The following PABPC1L variants were observed in gnomAD, a reference collection of about 807,000 sequenced individuals.
PABPC1L encodes polyadenylate-binding protein 1-like.
Under a neutral mutation model 66.6 loss-of-function variants are expected in PABPC1L, and 31 were observed. The observed-to-expected ratio is 0.47, with a 90% confidence interval of 0.35 to 0.63. The LOEUF is 0.63. Among genes scored for constraint, PABPC1L ranks in the 20% least tolerant of loss-of-function variants. The pLI is 0.00. For synonymous variants in PABPC1L, 348 were observed against 335.1 expected (o/e 1.04, Z -0.42); for missense variants, 722 against 848.8 (o/e 0.85, Z 1.86).
At chr20:44,925,955 C>G (rs73296544) in intron 7 of PABPC1L, among the ~76,000 whole-genome samples, 2 of 152,106 alleles carry the variant, frequency 1.3e-5, no homozygotes, top group South Asian at 4.1e-4. Context: ...TGTTTACTCA[C>G]CTATAAAGTG....
At position 44,924,389 on chromosome 20, in the gene PABPC1L, C is replaced by T. The variant is rs1035336927; in HGVS notation, c.972+133C>T. 1.3e-4 allele frequency: 83 copies of T among 653,310 alleles called. No individual in the cohort carries two copies. In the East Asian group the frequency reaches 1.5e-3, roughly 12 times the overall value. 40.5% of individuals were successfully genotyped at this position (653,310 alleles called of 1,614,324 possible). On this transcript the variant is annotated intron_variant, in intron 7 of 14. Transcript: ENST00000217073. ...TTGGTGCCGGCTACCCCTTCTGGGG[C>T]TCTGCTGACCCCGTTGGAGCTTGTA...
At position 44,930,443 on chromosome 20, in the gene PABPC1L, T is replaced by C; in HGVS notation, c.973-17T>C. The C allele has an allele frequency of 6.8e-6, 11 of 1,605,922 alleles. No individual in the cohort carries two copies. The highest frequency in any genetic ancestry group is 9.4e-6 in the Non-Finnish European group (11 of 1,174,860). ...TCCTTCCCCACCCCAGCAGCTCTTG[T>C]CTTGTCTTGCTTTTAGGTGATGACA... On this transcript the variant is annotated splice_polypyrimidine_tract_variant and intron_variant, in intron 7 of 14. Coordinates refer to ENST00000217073, the MANE Select transcript of PABPC1L (RefSeq NM_001372179.1).
intron 10 of PABPC1L, among the ~76,000 whole-genome samples, chr20:44,933,837 G>C (rs2066880699): frequency 7.1e-6 from 1 of 139,944 alleles, no homozygotes. Context: ...TGCAACCTCT[G>C]CCTCCGGGGT....
In PABPC1L at chr20:44,910,129, G is replaced by GGCCCCCT; in HGVS notation, c.-10_-4dup. ...CGGCTCCTGCTTGCCCCGCAGCCCC[G>GGCCCCCT]GCCCCCTGCCCACCATGAACGCCAG... On this transcript the variant is annotated 5_prime_UTR_variant, in exon 1 of 15. Transcript: ENST00000217073. The GGCCCCCT allele has an allele frequency of 6.5e-7, 1 of 1,545,606 alleles. No homozygotes were observed. The highest frequency in any genetic ancestry group is 8.7e-7 in the Non-Finnish European group (1 of 1,144,240).
At chr20:44,915,496 T>G (rs2066731903) in intron 2 of PABPC1L, among the ~76,000 whole-genome samples, 1 of 152,096 alleles carries the variant, frequency 6.6e-6, no homozygotes, top group Admixed American at 6.6e-5. Context: ...TAGGATATTG[T>G]GCATCTTTAA....
chr20:44,938,703 A>G lies in PABPC1L; in HGVS notation c.1821A>G (p.Ala607=). 9 of 1,611,816 alleles carry G rather than the reference A, an allele frequency of 5.6e-6. No individual in the cohort carries two copies. Among genetic ancestry groups the G allele is most frequent in the Non-Finnish European group, 7.6e-6 (9 of 1,179,222 alleles). The change falls in exon 14 of 15, where the codon GCA becomes GCG. Residue 607 remains alanine, a synonymous_variant. Coordinates refer to ENST00000217073, the MANE Select transcript of PABPC1L (RefSeq NM_001372179.1). The part of the protein sequence containing the change: ...KIDEAVAVLQ[A]HQAMEQPKAY... ...ACGAGGCAGTGGCCGTGCTGCAGGC[A>G]CACCAGGCTATGGAGCAGCCGAAGG...
chr20:44,917,949 A>G (rs1250962538), intron 3 of PABPC1L, among the ~76,000 whole-genome samples: 1 of 152,198 alleles, frequency 6.6e-6, no homozygotes, highest in Non-Finnish European at 1.5e-5. Context: ...CGTGCTATAG[A>G]TACCATCAGA....
Position 44,933,086 on chromosome 20 carries a change from C to A in PABPC1L, c.1360C>A (p.Arg454=). 6.3e-7 allele frequency: 1 copy of A among 1,599,268 alleles called. No homozygotes were observed. The change falls in exon 10 of 15, where the codon CGG becomes AGG. Residue 454 remains arginine (R), a synonymous_variant. Coordinates refer to ENST00000217073, the MANE Select transcript of PABPC1L (RefSeq NM_001372179.1). ...SAYPPGASMV[R]PPVVPRRPPA... The stretch of plus-strand genomic sequence containing the variant: ...CTACCCTCCAGGTGCCTCAATGGTC[C>A]GGCCACCAGTTGTGCCTCGGCGCCC...
At chr20:44,928,489 C>G (rs1301881032) in intron 7 of PABPC1L, among the ~76,000 whole-genome samples, 1 of 152,040 alleles carries the variant, frequency 6.6e-6, no homozygotes, top group African/African-American at 2.4e-5. Context: ...GAAGGAAATG[C>G]TAATATGAAA....
At chr20:44,911,209 ATC>A (rs1308680019) in intron 1 of PABPC1L, among the ~76,000 whole-genome samples, 1 of 152,062 alleles carries the variant, frequency 6.6e-6, no homozygotes, top group Non-Finnish European at 1.5e-5. Flanking sequence ...CACGCCTGTA[ATC>A]CCAGCATCTT....
intron 12 of PABPC1L, among the ~76,000 whole-genome samples, chr20:44,937,397 C>T (rs1168238829): frequency 6.6e-6 from 1 of 151,768 alleles, no homozygotes; most frequent in Non-Finnish European, 1.5e-5. Context: ...CCACATTACC[C>T]CTTCCCCTCA....
intron 12 of PABPC1L, among the ~76,000 whole-genome samples, chr20:44,937,591 T>G (rs2066911066): frequency 6.6e-6 from 1 of 152,076 alleles, no homozygotes; most frequent in Admixed American, 6.5e-5. Context: ...AGTTTTGTAT[T>G]TTTATTAGAG....
intron 7 of PABPC1L, among the ~76,000 whole-genome samples, chr20:44,927,725 C>T (rs1396658413): frequency 2.0e-5 from 3 of 152,126 alleles, no homozygotes; most frequent in African/African-American, 7.2e-5. Flanking sequence ...GAGTCTCGCT[C>T]TATCACCCAG....
At position 44,910,197 on chromosome 20, in the gene PABPC1L, G is replaced by T. The variant is rs1248468250; in HGVS notation, c.54G>T (p.Leu18=). The change falls in exon 1 of 15, where the codon CTG becomes CTT. Residue 18 remains leucine, a synonymous_variant. Transcript: ENST00000217073. Reference sequence around the variant, plus strand: ...TTGCCTCGCTTTACGTGGGCGATCTGCACCCCGACGTGACCGAGGCCATGC... The same window carrying T: ...TTGCCTCGCTTTACGTGGGCGATCTTCACCCCGACGTGACCGAGGCCATGC... ...YPLASLYVGD[L]HPDVTEAMLY... The T allele has an allele frequency of 1.9e-6, 3 of 1,580,934 alleles. No individual in the cohort carries two copies. Among genetic ancestry groups the T allele is most frequent in the Non-Finnish European group, 2.6e-6 (3 of 1,163,868 alleles).
intron 1 of PABPC1L, among the ~76,000 whole-genome samples, chr20:44,911,541 A>G (rs1437484487): frequency 1.3e-5 from 2 of 152,308 alleles, no homozygotes; most frequent in East Asian, 3.9e-4. Flanking sequence ...AAGACTCCAG[A>G]AACTCACCCA....
intron 6 of PABPC1L, among the ~76,000 whole-genome samples, 164 bp from the exon 7 acceptor site, chr20:44,923,997 C>T (rs1171492392): frequency 6.6e-6 from 1 of 152,082 alleles, no homozygotes; most frequent in East Asian, 1.9e-4. Flanking sequence ...GTGATGGGCA[C>T]GCTGAGGGAT....
intron 10 of PABPC1L, among the ~76,000 whole-genome samples, chr20:44,934,007 C>A (rs972068254): frequency 4.6e-5 from 7 of 152,094 alleles, no homozygotes; most frequent in South Asian, 2.1e-4. Context: ...CAGCCTCGGC[C>A]TCCCAAAGTG....
intron 4 of PABPC1L, 46 bp from the exon 5 acceptor site, chr20:44,919,137 T>C (rs1327641226): frequency 6.2e-7 from 1 of 1,613,872 alleles, no homozygotes; most frequent in Non-Finnish European, 8.5e-7. Flanking sequence ...TGGGGTTTCC[T>C]GAGGACTTCC....
chr20:44,930,330 C>T (rs1348375604), intron 7 of PABPC1L, 130 bp from the exon 8 acceptor site: 1 of 1,275,516 alleles, frequency 7.8e-7, no homozygotes, highest in Non-Finnish European at 1.1e-6. Flanking sequence ...GTGCACGCTA[C>T]ATCCCTCCAT....
Sources: allele counts gnomAD v4.1 joint callset (sites outside exome capture counted in the v4.1 genomes callset), GRCh38; gene constraint gnomAD v4.1.1; transcripts MANE v1.5; gene names NCBI Gene and HGNC (gene_info 2026-07-23, HGNC 2026-07-21).